Variants in FOCAD observed in about 807,000 individuals in gnomAD.
FOCAD encodes the protein focadhesin.
FOCAD carries 198 observed loss-of-function variants against 225.6 expected under a neutral mutation model. That is an observed-to-expected ratio of 0.88 (90% CI 0.78 to 0.99). The LOEUF (loss-of-function observed/expected upper bound fraction) is 0.99, where lower values mean the gene tolerates loss of function less well. FOCAD is among the 50% of genes least tolerant of loss of function. The pLI is 0.00. For missense variants in FOCAD, 2,713 were observed against 2,123.6 expected, an observed-to-expected ratio of 1.28 and a Z score of -5.46; for synonymous variants, 897 against 755.0, an observed-to-expected ratio of 1.19 and a Z score of -3.08.
chr9:20,863,205 T>C (rs1828931606), intron 16 of FOCAD: 1 of 152,142 alleles, frequency 6.6e-6, no homozygotes, highest in Admixed American at 6.6e-5. Context: ...TTGAGTGAAA[T>C]GCATGAGAGG....
intron 24 of FOCAD, among the ~76,000 whole-genome samples, chr9:20,921,228 A>G (rs1187171484): frequency 1.3e-5 from 2 of 152,184 alleles, no homozygotes. Flanking sequence ...CTAATATGTA[A>G]TGTAATACTT....
chr9:20,991,744 C>T (rs1456544480), intron 42 of FOCAD, among the ~76,000 whole-genome samples: 4 of 137,434 alleles, frequency 2.9e-5, no homozygotes, highest in East Asian at 2.2e-4. Flanking sequence ...ACGCAGGAGG[C>T]GGAGGTTGCA....
intron 1 of FOCAD, among the ~76,000 whole-genome samples, chr9:20,691,751 A>G (rs1329645121): frequency 1.3e-5 from 2 of 148,158 alleles, no homozygotes; most frequent in East Asian, 4.0e-4. Flanking sequence ...AAGTGCTGGG[A>G]TTATAGGCAT....
chr9:20,940,310 A>G (rs545550321), intron 28 of FOCAD, among the ~76,000 whole-genome samples: 23 of 137,838 alleles, frequency 1.7e-4, no homozygotes, highest in African/African-American at 6.0e-4. Flanking sequence ...TTGAGATAGG[A>G]TATCACTCTG....
intron 35 of FOCAD, among the ~76,000 whole-genome samples, chr9:20,973,391 T>G (rs1234667351): frequency 1.3e-5 from 2 of 151,990 alleles, no homozygotes; most frequent in Non-Finnish European, 1.5e-5. Context: ...GCAGCTTTTT[T>G]TTTTTTTTCT....
At position 20,673,636 on chromosome 9, in the gene FOCAD, C is replaced by G. The variant is rs375602367; in HGVS notation, c.-78+14810C>G. Reference sequence around the variant, plus strand: ...TTGAGACAGGGTCTCACTCTGTCACCTAGGCTGGAGTGCAGTGGCGTGATG... The same window carrying G: ...TTGAGACAGGGTCTCACTCTGTCACGTAGGCTGGAGTGCAGTGGCGTGATG... On this transcript the variant is annotated intron_variant, in intron 2 of 45. Coordinates refer to the FOCAD transcript ENST00000380249. Among the ~76,000 whole-genome samples the G allele has an allele frequency of 7.4e-4, 112 of 152,244 alleles. 3 individuals carry two copies. The South Asian group carries it at 0.022, about 30-fold the overall frequency.
At chr9:20,815,095 T>A (rs953907637) in intron 11 of FOCAD, among the ~76,000 whole-genome samples, 2 of 147,410 alleles carry the variant, frequency 1.4e-5, no homozygotes, top group Non-Finnish European at 3.0e-5. Flanking sequence ...CAGCTTTTGT[T>A]TATCTGGAAA....
intron 4 of FOCAD, among the ~76,000 whole-genome samples, chr9:20,739,043 A>G (rs7031527): frequency 0.59 from 89,956 of 151,894 alleles, 26,827 homozygotes; most frequent in East Asian, 0.7. Flanking sequence ...GGCTGTTACT[A>G]TATTGGACTG....
intron 15 of FOCAD, among the ~76,000 whole-genome samples, chr9:20,850,836 C>T (rs1323977381): frequency 6.7e-6 from 1 of 148,604 alleles, no homozygotes; most frequent in Non-Finnish European, 1.5e-5. Context: ...TAATTTCCCC[C>T]TCTATATCTA....
intron 35 of FOCAD, chr9:20,976,215 AT>A (rs1840216172): frequency 6.9e-6 from 2 of 290,184 alleles, no homozygotes; most frequent in Non-Finnish European, 1.3e-5. Flanking sequence ...ATTTATAAAA[AT>A]TTTTTAAAAA....
At chr9:20,761,457 G>T (rs1029620179) in intron 6 of FOCAD, among the ~76,000 whole-genome samples, 1 of 152,006 alleles carries the variant, frequency 6.6e-6, no homozygotes, top group African/African-American at 2.4e-5. Context: ...GTCTCACTCT[G>T]TTGCCCAGGC....
At chr9:20,860,911 G>C (rs1828716490) in intron 15 of FOCAD, among the ~76,000 whole-genome samples, 1 of 152,176 alleles carries the variant, frequency 6.6e-6, no homozygotes, top group African/African-American at 2.4e-5. Flanking sequence ...CAACTGCTTT[G>C]ATATTCTAAG....
intron 5 of FOCAD, among the ~76,000 whole-genome samples, chr9:20,753,125 T>C (rs1828720351): frequency 6.6e-6 from 1 of 152,200 alleles, no homozygotes; most frequent in Non-Finnish European, 1.5e-5. Context: ...TTTGACTTCC[T>C]CTTTTCCTAA....
At chr9:20,871,449 T>A (rs1305886694) in intron 18 of FOCAD, among the ~76,000 whole-genome samples, 4 of 151,900 alleles carry the variant, frequency 2.6e-5, no homozygotes, top group Non-Finnish European at 5.9e-5. Context: ...TAACAGGAAT[T>A]CTTTCAACTG....
chr9:20,941,113 T>C (rs2132294632), intron 28 of FOCAD, among the ~76,000 whole-genome samples: 1 of 152,202 alleles, frequency 6.6e-6, no homozygotes, highest in African/African-American at 2.4e-5. Flanking sequence ...TACTAGAAGG[T>C]AGTTAGTAGA....
chr9:20,672,470 A>G (rs2131281848), intron 2 of FOCAD, among the ~76,000 whole-genome samples: 1 of 152,304 alleles, frequency 6.6e-6, no homozygotes, highest in African/African-American at 2.4e-5. Context: ...ATTATTTTTG[A>G]GATGGAGTCT....
At chr9:20,794,513 A>G (rs2131221016) in intron 11 of FOCAD, among the ~76,000 whole-genome samples, 1 of 152,320 alleles carries the variant, frequency 6.6e-6, no homozygotes, top group South Asian at 2.1e-4. Flanking sequence ...AGAGAAAATG[A>G]AGGATGGAAA....
At chr9:20,865,801 T>G in intron 16 of FOCAD, 125 bp from the exon 17 acceptor site, 1 of 616,864 alleles carries the variant, frequency 1.6e-6, no homozygotes, top group Non-Finnish European at 2.8e-6. Flanking sequence ...GAATACACAT[T>G]AAGTGAATTT....
intron 8 of FOCAD, among the ~76,000 whole-genome samples, chr9:20,777,079 C>A (rs1563977463): frequency 1.3e-5 from 2 of 151,432 alleles, no homozygotes; most frequent in African/African-American, 4.9e-5. Context: ...GAATTTTTTT[C>A]TTTTGTTGTT....
Sources: allele counts gnomAD v4.1 joint callset (sites outside exome capture counted in the v4.1 genomes callset), GRCh38; gene constraint gnomAD v4.1.1; transcripts MANE v1.5; gene names NCBI Gene and HGNC (gene_info 2026-07-23, HGNC 2026-07-21).